The following DAPK1 variants were observed in gnomAD, a reference collection of about 807,000 sequenced individuals.
The protein encoded by DAPK1 is death associated protein kinase 1.
Under a neutral mutation model 144.9 loss-of-function variants are expected in DAPK1, and 56 were observed. The observed-to-expected ratio is 0.39, with a 90% CI of 0.31 to 0.48. The LOEUF (loss-of-function observed/expected upper bound fraction) is 0.48. Among genes scored for constraint, DAPK1 ranks in the 20% least tolerant of loss-of-function variants. DAPK1 has a pLI of 0.95. For synonymous variants in DAPK1, 690 were observed against 749.0 expected, an observed-to-expected ratio of 0.92 and a Z score of 1.29; for missense variants, 1,454 against 1,875.4, an observed-to-expected ratio of 0.78 and a Z score of 4.15.
chr9:87,540,386 TTG>T, intron 2 of DAPK1, among the ~76,000 whole-genome samples: 1 of 152,218 alleles, frequency 6.6e-6, no homozygotes, highest in East Asian at 1.9e-4. Context: ...AGATGCCGTT[TTG>T]CCATGTTGGC....
chr9:87,586,374 A>C (rs988927569), intron 2 of DAPK1, among the ~76,000 whole-genome samples: 1 of 152,306 alleles, frequency 6.6e-6, no homozygotes, highest in Admixed American at 6.5e-5. Flanking sequence ...CTCTGTCTCA[A>C]AGTAAGTCAT....
intron 2 of DAPK1, among the ~76,000 whole-genome samples, chr9:87,534,708 G>A (rs1045029351): frequency 9.9e-5 from 15 of 151,202 alleles, no homozygotes; most frequent in African/African-American, 3.4e-4. Context: ...GTAGTGGCGC[G>A]ATCTGGGCTC....
chr9:87,562,084 G>A (rs1826947062), intron 2 of DAPK1, among the ~76,000 whole-genome samples: 1 of 152,202 alleles, frequency 6.6e-6, no homozygotes, highest in South Asian at 2.1e-4. Context: ...GAGTAATGTG[G>A]GGATTCTCAT....
chr9:87,632,355 G>A (rs1829725490), intron 3 of DAPK1: 1 of 983,954 alleles, frequency 1.0e-6, no homozygotes, highest in African/African-American at 1.8e-5. Context: ...TACATATGTA[G>A]GGATGAAGGA....
intron 18 of DAPK1, among the ~76,000 whole-genome samples, chr9:87,663,252 G>T (rs1313112925): frequency 6.6e-6 from 1 of 152,076 alleles, no homozygotes; most frequent in Non-Finnish European, 1.5e-5. Flanking sequence ...CTTCTAAACT[G>T]TCTTACTATA....
chr9:87,595,539 A>T (rs778643695), intron 2 of DAPK1, among the ~76,000 whole-genome samples: 2 of 152,150 alleles, frequency 1.3e-5, no homozygotes, highest in Non-Finnish European at 2.9e-5. Context: ...CTTAATGATA[A>T]AGAGGTATCT....
At chr9:87,616,744 A>G (rs1191390877) in intron 3 of DAPK1, among the ~76,000 whole-genome samples, 1 of 151,756 alleles carries the variant, frequency 6.6e-6, no homozygotes, top group Non-Finnish European at 1.5e-5. Context: ...GGACCCTGGA[A>G]TGGATAACTT....
At chr9:87,577,813 A>T (rs1486995026) in intron 2 of DAPK1, among the ~76,000 whole-genome samples, 1 of 152,120 alleles carries the variant, frequency 6.6e-6, no homozygotes, top group Non-Finnish European at 1.5e-5. Flanking sequence ...AATAAAAAAT[A>T]AAAAAAGACT....
chr9:87,615,306 A>G (rs1016421852), intron 3 of DAPK1, among the ~76,000 whole-genome samples: 1 of 152,208 alleles, frequency 6.6e-6, no homozygotes, highest in Non-Finnish European at 1.5e-5. Context: ...CTGCAATGCA[A>G]ATGAGGAACA....
At chr9:87,620,549 A>T (rs950997730) in intron 3 of DAPK1, among the ~76,000 whole-genome samples, 4 of 148,422 alleles carry the variant, frequency 2.7e-5, no homozygotes, top group African/African-American at 9.9e-5. Context: ...AAGAAGGAGG[A>T]AGAGAAGGAG....
At chr9:87,536,689 C>G (rs1825871941) in intron 2 of DAPK1, among the ~76,000 whole-genome samples, 1 of 152,152 alleles carries the variant, frequency 6.6e-6, no homozygotes, top group African/African-American at 2.4e-5. Context: ...TCAAATTTTA[C>G]TAGGATTATC....
intron 2 of DAPK1, among the ~76,000 whole-genome samples, chr9:87,530,908 C>T (rs929828243): frequency 6.9e-5 from 2 of 29,162 alleles, no homozygotes; most frequent in East Asian, 3.3e-3. Context: ...ATGCAGGTCT[C>T]TTCTTCAAAG....
At chr9:87,682,116 G>A (rs1356905142) in intron 20 of DAPK1, among the ~76,000 whole-genome samples, 1 of 152,144 alleles carries the variant, frequency 6.6e-6, no homozygotes, top group East Asian at 1.9e-4. Flanking sequence ...AACAAAAAGG[G>A]ATTTCCAGGA....
At chr9:87,575,236 T>G (rs537759798) in intron 2 of DAPK1, among the ~76,000 whole-genome samples, 151 of 75,346 alleles carry the variant, frequency 2.0e-3, no homozygotes, top group Non-Finnish European at 3.3e-3. Context: ...TAAAATAAAA[T>G]AAAATAAAAT....
At chr9:87,549,951 T>C (rs1339028113) in intron 2 of DAPK1, among the ~76,000 whole-genome samples, 2 of 152,234 alleles carry the variant, frequency 1.3e-5, no homozygotes, top group East Asian at 1.9e-4. Flanking sequence ...GGTGTCTGTA[T>C]ACCTCATCCT....
chr9:87,634,717 G>A (rs1009540199), intron 3 of DAPK1, among the ~76,000 whole-genome samples: 1 of 152,168 alleles, frequency 6.6e-6, no homozygotes, highest in Non-Finnish European at 1.5e-5. Context: ...CGGCAGTGCC[G>A]TGTCAATCCC....
At chr9:87,519,554 TG>T (rs34166575) in intron 2 of DAPK1, among the ~76,000 whole-genome samples, 54,268 of 151,994 alleles carry the variant, frequency 0.36, 10,712 homozygotes, top group Middle Eastern at 0.52. Context: ...CCTGGTGGAT[TG>T]GGGCTGTCAC....
chr9:87,679,839 C>T (rs535968958), intron 19 of DAPK1, among the ~76,000 whole-genome samples: 66 of 152,260 alleles, frequency 4.3e-4, no homozygotes, highest in African/African-American at 1.5e-3. Flanking sequence ...GGAGCTTGTA[C>T]GTTGGAGTGC....
At chr9:87,613,731 G>C (rs1829004938) in intron 3 of DAPK1, among the ~76,000 whole-genome samples, 1 of 152,158 alleles carries the variant, frequency 6.6e-6, no homozygotes, top group Admixed American at 6.5e-5. Context: ...CGGGACTTAG[G>C]GAAGCTGATA....
Sources: gnomAD v4.1 joint callset for allele counts (sites outside exome capture counted in the v4.1 genomes callset) on GRCh38, gnomAD v4.1.1 for gene constraint, MANE v1.5 for transcripts, NCBI Gene and HGNC (gene_info 2026-07-23, HGNC 2026-07-21) for gene names.